Variants in PLEKHG1 observed in about 807,000 individuals in gnomAD.
PLEKHG1 encodes pleckstrin homology domain-containing family G member 1.
A neutral mutation model predicts 100.8 loss-of-function variants in PLEKHG1; 44 were observed. The observed-to-expected ratio is 0.44, with a 90% CI of 0.34 to 0.56. PLEKHG1 has a LOEUF of 0.56. PLEKHG1 is among the 20% of genes least tolerant of loss of function. The probability of loss-of-function intolerance (pLI) is 0.01; values close to 1 mark genes in which losing one functional copy is unlikely to be tolerated. For missense variants in PLEKHG1, 1,545 were observed against 1,720.9 expected (o/e 0.90, Z 1.81); for synonymous variants, 640 against 662.5 (o/e 0.97, Z 0.52).
At chr6:150,790,468 A>G (rs1785903046) in intron 4 of PLEKHG1, among the ~76,000 whole-genome samples, 2 of 152,218 alleles carry the variant, frequency 1.3e-5, no homozygotes, top group African/African-American at 4.8e-5. Context: ...ACTGTAGGAA[A>G]AGAAAATGGC....
At position 150,831,945 on chromosome 6, in the gene PLEKHG1, A is replaced by T; in HGVS notation, c.2834A>T (p.Asn945Ile). Residue 945 changes from asparagine to isoleucine, a missense_variant, in exon 15 of 16, where the codon AAT becomes ATT. Asn to Ile is a moderately radical substitution (Grantham distance 149, BLOSUM62 -3). Transcript: ENST00000358517. The surrounding 1 kb of genome is among the most constrained non-coding windows in gnomAD (Gnocchi z 4.1). ...GCTAGTGAAATGCCCCTCATGGACA[A>T]TCCCTACGACCTGGCCAACAGTGGC... 6.2e-7 allele frequency: 1 copy of T among 1,613,868 alleles called. No homozygotes were observed. The highest frequency in any genetic ancestry group is 1.1e-5 in the South Asian group (1 of 91,064).
intron 7 of PLEKHG1, 37 bp from the exon 9 acceptor site, chr6:150,809,068 G>A: frequency 6.3e-7 from 1 of 1,580,724 alleles, no homozygotes; most frequent in Non-Finnish European, 8.7e-7. Flanking sequence ...CCTGGCTTCT[G>A]CCTCCTGTAA....
At chr6:150,777,232 T>G (rs1785029194) in intron 3 of PLEKHG1, among the ~76,000 whole-genome samples, 1 of 150,768 alleles carries the variant, frequency 6.6e-6, no homozygotes, top group African/African-American at 2.4e-5. Flanking sequence ...CATGTGTGGT[T>G]GCACATTACT....
At chr6:150,776,965 G>A (rs1350573321) in intron 3 of PLEKHG1, among the ~76,000 whole-genome samples, 1 of 150,786 alleles carries the variant, frequency 6.6e-6, no homozygotes, top group Non-Finnish European at 1.5e-5. Context: ...TGGTGCACAT[G>A]TGCGGCTGCA....
chr6:150,735,326 G>A (rs1003712708), intron 2 of PLEKHG1, among the ~76,000 whole-genome samples: 7 of 152,116 alleles, frequency 4.6e-5, no homozygotes, highest in Non-Finnish European at 7.4e-5. Context: ...CACTTGCTTT[G>A]CTGCCTACTA....
chr6:150,713,320 T>TAG (rs1341176615), intron 3 of PLEKHG1, among the ~76,000 whole-genome samples: 1 of 152,206 alleles, frequency 6.6e-6, no homozygotes, highest in Non-Finnish European at 1.5e-5. Flanking sequence ...TCAACTCATT[T>TAG]AGAGAGAAGT....
chr6:150,810,514 A>AAGAAAG (rs1554277627), intron 10 of PLEKHG1, among the ~76,000 whole-genome samples: 3 of 88,538 alleles, frequency 3.4e-5, no homozygotes, highest in African/African-American at 1.0e-4. Context: ...GAAAGAAAGA[A>AAGAAAG]AAAGAAAGAA....
chr6:150,680,428 A>G (rs2128588834), intron 3 of PLEKHG1, among the ~76,000 whole-genome samples: 1 of 152,308 alleles, frequency 6.6e-6, no homozygotes, highest in East Asian at 1.9e-4. Context: ...TTTTGGTTAT[A>G]TTACATTTCA....
At chr6:150,789,177 A>T (rs567369557) in intron 4 of PLEKHG1, among the ~76,000 whole-genome samples, 1 of 152,196 alleles carries the variant, frequency 6.6e-6, no homozygotes, top group Admixed American at 6.5e-5. Flanking sequence ...GTCAGCACTG[A>T]TTATATCATA....
rs562466004 is a variant in PLEKHG1 at position 150,803,669 on chromosome 6, C to T, written c.781-941C>T. Among the ~76,000 whole-genome samples, 3 of 152,284 alleles carry T rather than the reference C, an allele frequency of 2.0e-5. No homozygotes were observed. In the East Asian group the frequency reaches 5.8e-4, roughly 29 times the overall value. On this transcript the variant is annotated intron_variant, in intron 6 of 15. Coordinates refer to ENST00000358517, the Ensembl canonical transcript of PLEKHG1. ...ACCATGAGATCCTTCTCAACACTCT[C>T]AAGGATTGTCTTTAGTCAACTTCAT...
chr6:150,784,901 C>G (rs939456703), intron 3 of PLEKHG1, among the ~76,000 whole-genome samples: 2 of 151,854 alleles, frequency 1.3e-5, no homozygotes, highest in African/African-American at 4.8e-5. Flanking sequence ...GACATTTAAT[C>G]GAATCAAATT....
At chr6:150,840,129 T>G (rs764634083) in exon 16 of PLEKHG1, 1 of 1,614,230 alleles carries the variant, frequency 6.2e-7, no homozygotes, top group South Asian at 1.1e-5. Flanking sequence ...CTCTGTGCCT[T>G]CTCTTCAAAC....
At chr6:150,816,220 G>A (rs564222851) in intron 10 of PLEKHG1, among the ~76,000 whole-genome samples, 42 of 150,888 alleles carry the variant, frequency 2.8e-4, no homozygotes, top group Non-Finnish European at 5.6e-4. Context: ...CACAAAGATA[G>A]GATGTTGGAA....
At chr6:150,717,802 A>G (rs1781499298), upstream of PLEKHG1, among the ~76,000 whole-genome samples, 1 of 152,204 alleles carries the variant, frequency 6.6e-6, no homozygotes, top group African/African-American at 2.4e-5. Context: ...TGGGCTAGGC[A>G]CAGTGGCTCA....
At chr6:150,649,402 A>G (rs866379499) in intron 2 of PLEKHG1, among the ~76,000 whole-genome samples, 4 of 152,242 alleles carry the variant, frequency 2.6e-5, no homozygotes, top group Admixed American at 6.5e-5. Flanking sequence ...GTTCCCCACC[A>G]GTGCTATTGT....
intron 3 of PLEKHG1, among the ~76,000 whole-genome samples, chr6:150,652,694 T>C (rs1778800213): frequency 6.9e-6 from 1 of 145,066 alleles, no homozygotes; most frequent in South Asian, 2.2e-4. Flanking sequence ...CACTCCAGCC[T>C]GGGCAACAAG....
intron 7 of PLEKHG1, among the ~76,000 whole-genome samples, chr6:150,805,651 C>T (rs892432835): frequency 6.6e-6 from 1 of 152,066 alleles, no homozygotes; most frequent in African/African-American, 2.4e-5. Flanking sequence ...CCTCAGCCTC[C>T]TTGGTAGTTG....
chr6:150,734,032 T>A (rs370387721), exon 2 of PLEKHG1: 1 of 1,614,082 alleles, frequency 6.2e-7, no homozygotes, highest in Non-Finnish European at 8.5e-7. Context: ...TGGATAGAGT[T>A]GTTCAGGAAA....
At position 150,705,836 on chromosome 6, in the gene PLEKHG1, C is replaced by A. The variant is rs149782080; in HGVS notation, c.-98-27748C>A. Reference sequence around the variant, plus strand: ...GGCCTCGGTGTGTTAAAAGTTTTATCTCTGGGGTTCAGAAAGAAATAAACA... The same window carrying A: ...GGCCTCGGTGTGTTAAAAGTTTTATATCTGGGGTTCAGAAAGAAATAAACA... On this transcript the variant is annotated intron_variant, in intron 3 of 3. Transcript: ENST00000367326. Among the ~76,000 whole-genome samples the A allele has an allele frequency of 8.0e-4, 122 of 152,296 alleles. 1 individual carries two copies. In the East Asian group the frequency reaches 0.021, roughly 27 times the overall value.
Sources: allele counts gnomAD v4.1 joint callset (sites outside exome capture counted in the v4.1 genomes callset), GRCh38; gene constraint gnomAD v4.1.1; non-coding constraint Gnocchi (gnomAD v3.1); transcripts MANE v1.5; gene names NCBI Gene and HGNC (gene_info 2026-07-23, HGNC 2026-07-21).